The following CD163L1 variants were observed in gnomAD, a reference collection of about 807,000 sequenced individuals.
CD163L1 encodes the protein CD163 molecule like 1.
In CD163L1, 124 loss-of-function variants were observed where a neutral mutation model predicts 165.4. The observed-to-expected ratio is 0.75, with a 90% CI of 0.65 to 0.87. CD163L1 has a LOEUF of 0.87. Ranked by LOEUF, CD163L1 falls within the 40% of genes least tolerant of loss-of-function variation. CD163L1 has a pLI of 0.00. For missense variants in CD163L1, 1,525 were observed against 1,799.9 expected (o/e 0.85, Z 2.76); for synonymous variants, 585 against 662.2 (o/e 0.88, Z 1.79).
In CD163L1 at chr12:7,444,105, C is replaced by T. The variant is rs752201668; in HGVS notation, c.23G>A (p.Trp8Ter). Residue 8 changes from tryptophan to a stop codon, truncating the protein, a stop_gained, in exon 1 of 20, where the codon TGG becomes TAG. Coordinates refer to ENST00000313599, the MANE Select transcript of CD163L1 (RefSeq NM_174941.6). LOFTEE classifies it high-confidence loss of function. The part of the protein sequence containing the change: MMLPQNS[W>*]HIDFGRCCCH... ...TAAAAGCAAAACCTTACCAATATGC[C>T]ACGAGTTTTGAGGCAGCATCATTAT... 160 of 1,613,576 alleles carry T rather than the reference C, an allele frequency of 9.9e-5. No homozygotes were observed. The highest frequency in any genetic ancestry group is 1.3e-4 in the Non-Finnish European group (154 of 1,179,764).
At chr12:7,413,692 G>A (rs752362506) in intron 4 of CD163L1, among the ~76,000 whole-genome samples, 1 of 152,338 alleles carries the variant, frequency 6.6e-6, no homozygotes, top group Non-Finnish European at 1.5e-5. Context: ...AAGATCCTCA[G>A]ACGGTGTGTG....
At chr12:7,336,491 C>T in the CD163L1 span, among the ~76,000 whole-genome samples, 1 of 152,102 alleles carries the variant, frequency 6.6e-6, no homozygotes, top group African/African-American at 2.4e-5. Flanking sequence ...GGGAACATCA[C>T]ACACTGGGGA....
chr12:7,420,652 A>G (rs762585342), intron 4 of CD163L1, among the ~76,000 whole-genome samples: 126 of 152,250 alleles, frequency 8.3e-4, no homozygotes, highest in Admixed American at 4.8e-3. Flanking sequence ...AAAAGCCACA[A>G]TGCAATACCA....
the CD163L1 span, among the ~76,000 whole-genome samples, chr12:7,321,662 G>A: frequency 1.3e-5 from 2 of 152,194 alleles, no homozygotes; most frequent in African/African-American, 2.4e-5. Flanking sequence ...TGGCCCATTT[G>A]GGGCCTCAGT....
At position 7,432,631 on chromosome 12, in the gene CD163L1, C is replaced by T. The variant is rs1195394852; in HGVS notation, c.551G>A (p.Trp184Ter). ...ERWGTICDDG[W>*]NLNTAAVVCR... is the part of the protein sequence containing the mutation. Reference sequence around the variant, plus strand: ...CACCACGGCAGCAGTATTCAAGTTCCACCCATCATCACATATAGTTCCCCA... The same window carrying T: ...CACCACGGCAGCAGTATTCAAGTTCTACCCATCATCACATATAGTTCCCCA... Residue 184 changes from tryptophan to a stop codon, truncating the protein, a stop_gained, in exon 4 of 20, where the codon TGG (tryptophan) becomes TAG (stop). Coordinates refer to ENST00000313599, the MANE Select transcript of CD163L1 (RefSeq NM_174941.6). LOFTEE classifies it high-confidence loss of function. The surrounding 1 kb of genome is among the most constrained non-coding windows in gnomAD (Gnocchi z 4.2). The T allele has an allele frequency of 1.2e-6, 2 of 1,614,118 alleles. No individual in the cohort carries two copies. Among genetic ancestry groups the T allele is most frequent in the Non-Finnish European group, 1.7e-6 (2 of 1,180,022 alleles).
At chr12:7,332,318 G>A in the CD163L1 span, among the ~76,000 whole-genome samples, 5 of 152,218 alleles carry the variant, frequency 3.3e-5, no homozygotes, top group Admixed American at 1.3e-4. Context: ...TGGTGTACCT[G>A]AAAGTGACGG....
At chr12:7,371,746 G>C (rs1591887616) in intron 14 of CD163L1, among the ~76,000 whole-genome samples, 1 of 151,842 alleles carries the variant, frequency 6.6e-6, no homozygotes, top group Non-Finnish European at 1.5e-5. Context: ...CCAATGACAG[G>C]GATTTGGTGC....
intron 8 of CD163L1, among the ~76,000 whole-genome samples, chr12:7,390,798 C>T (rs1947638606): frequency 6.6e-6 from 1 of 152,120 alleles, no homozygotes; most frequent in Non-Finnish European, 1.5e-5. Context: ...AGCCCAAAGA[C>T]CAATGATGTA....
At chr12:7,420,759 T>C (rs1038009854) in intron 4 of CD163L1, among the ~76,000 whole-genome samples, 1 of 151,810 alleles carries the variant, frequency 6.6e-6, no homozygotes, top group African/African-American at 2.4e-5. Context: ...GAATATAAAC[T>C]AGTACAACCT....
chr12:7,421,391 T>C (rs1179865584), intron 4 of CD163L1, among the ~76,000 whole-genome samples: 1 of 86,336 alleles, frequency 1.2e-5, no homozygotes, highest in East Asian at 4.3e-4. Flanking sequence ...GGAAGATATA[T>C]ATGTATATAT....
chr12:7,440,114 G>C (rs1312335426), intron 2 of CD163L1: 2 of 760,570 alleles, frequency 2.6e-6, no homozygotes, highest in Non-Finnish European at 4.4e-6. Flanking sequence ...GGCGGGCTTG[G>C]ACCCGCCGCG....
At chr12:7,430,710 G>A (rs1472703287) in intron 4 of CD163L1, among the ~76,000 whole-genome samples, 1 of 152,042 alleles carries the variant, frequency 6.6e-6, no homozygotes, top group African/African-American at 2.4e-5. Flanking sequence ...TTATATTTGG[G>A]GAAGGCTTCC....
chr12:7,363,438 GAAAT>G (rs1413785819), intron 18 of CD163L1, among the ~76,000 whole-genome samples: 1 of 149,482 alleles, frequency 6.7e-6, no homozygotes, highest in Non-Finnish European at 1.5e-5. Flanking sequence ...AATAATCAGA[GAAAT>G]AAATTAAATT....
chr12:7,439,852 T>C, intron 2 of CD163L1: 1 of 1,612,512 alleles, frequency 6.2e-7, no homozygotes, highest in Non-Finnish European at 8.5e-7. Context: ...GCCAAAGGCC[T>C]CCGCTCCTCT....
At chr12:7,324,609 G>A in the CD163L1 span, 3 of 1,612,872 alleles carry the variant, frequency 1.9e-6, no homozygotes, top group Non-Finnish European at 2.5e-6. Flanking sequence ...GTAGATGAAT[G>A]TCATTTATTA....
chr12:7,368,713 G>A lies in CD163L1; in HGVS notation c.4072+220C>T, dbSNP rs1029495181. ...GAAAGATTATCTATGAGGGTACCAT[G>A]AGAGTCTTATCCTTCTCTGCATGTA... On this transcript the variant is annotated intron_variant, in intron 16 of 19. Transcript: ENST00000313599. The surrounding 1 kb of genome is among the most constrained non-coding windows in gnomAD (Gnocchi z 4.3). The A allele has an allele frequency of 1.9e-6, 1 of 531,280 alleles. No individual in the cohort carries two copies. Among genetic ancestry groups the A allele is most frequent in the African/African-American group, 1.9e-5 (1 of 53,020 alleles). 32.9% of individuals were successfully genotyped at this position (531,280 alleles called of 1,614,324 possible).
At chr12:7,322,122 A>G in the CD163L1 span, among the ~76,000 whole-genome samples, 1 of 152,338 alleles carries the variant, frequency 6.6e-6, no homozygotes, top group Admixed American at 6.5e-5. Flanking sequence ...CATCAAAAGC[A>G]CTTAGTATCA....
chr12:7,398,388 T>G lies in CD163L1; in HGVS notation c.1605A>C (p.Ser535=). Residue 535 remains serine (S), a synonymous_variant, in exon 7 of 20, where the codon TCA becomes TCC. Coordinates refer to ENST00000313599, the MANE Select transcript of CD163L1 (RefSeq NM_174941.6). This position sits in a 1 kb window ranked among gnomAD's most constrained non-coding sequence, Gnocchi z 4.5. Reference sequence around the variant, plus strand: ...AAACGTCATCCAGCCAAATAGGTCCTGATGCTTCTTTAAAATAGGTCATAC... The same window carrying G: ...AAACGTCATCCAGCCAAATAGGTCCGGATGCTTCTTTAAAATAGGTCATAC... ...VFGMTYFKEA[S]GPIWLDDVSC... The G allele has an allele frequency of 6.2e-7, 1 of 1,614,194 alleles. No individual in the cohort carries two copies. The highest frequency in any genetic ancestry group is 8.5e-7 in the Non-Finnish European group (1 of 1,180,034).
At chr12:7,339,377 C>A in the CD163L1 span, among the ~76,000 whole-genome samples, 1 of 152,082 alleles carries the variant, frequency 6.6e-6, no homozygotes, top group African/African-American at 2.4e-5. Context: ...GTCTCTGATG[C>A]AGTATGCTTT....
Sources: gnomAD v4.1 joint callset for allele counts (sites outside exome capture counted in the v4.1 genomes callset) on GRCh38, gnomAD v4.1.1 for gene constraint, Gnocchi (gnomAD v3.1) non-coding constraint, MANE v1.5 for transcripts, NCBI Gene and HGNC (gene_info 2026-07-23, HGNC 2026-07-21) for gene names.